The following LRBA variants were observed in gnomAD, a reference collection of about 807,000 sequenced individuals.
LRBA encodes the protein LPS responsive beige-like anchor protein, also known as lipopolysaccharide-responsive and beige-like anchor protein.
In LRBA, 176 loss-of-function variants were observed where a neutral mutation model predicts 330.0. The ratio of observed to expected loss-of-function variants is 0.53; its 90% CI spans 0.47 to 0.60. The LOEUF (loss-of-function observed/expected upper bound fraction) is 0.60, where lower values mean the gene tolerates loss of function less well. Ranked by LOEUF, LRBA falls within the 20% of genes least tolerant of loss-of-function variation. The pLI, the probability that LRBA is intolerant of heterozygous loss-of-function variation, is 0.00. For missense variants in LRBA, 3,259 were observed against 3,444.8 expected (o/e 0.95, Z 1.35); for synonymous variants, 1,230 against 1,193.0 (o/e 1.03, Z -0.64).
At chr4:150,346,885 G>A (rs1459424659) in intron 48 of LRBA, among the ~76,000 whole-genome samples, 1 of 149,542 alleles carries the variant, frequency 6.7e-6, no homozygotes, top group Non-Finnish European at 1.5e-5. Context: ...AGAATTGAAA[G>A]CAGGCATTTG....
chr4:150,291,581 T>C (rs1728301537), intron 53 of LRBA, among the ~76,000 whole-genome samples: 1 of 78,244 alleles, frequency 1.3e-5, no homozygotes, highest in African/African-American at 4.7e-5. Context: ...CAACAGGTGC[T>C]GGAGAGGATG....
intron 42 of LRBA, among the ~76,000 whole-genome samples, chr4:150,476,401 G>T (rs1756707114): frequency 6.6e-6 from 1 of 152,094 alleles, no homozygotes; most frequent in South Asian, 2.1e-4. Context: ...GCAGAGACAT[G>T]GCAGAATGTG....
At chr4:150,471,820 T>C in intron 42 of LRBA, 81 bp from the exon 43 acceptor site, 1 of 735,526 alleles carries the variant, frequency 1.4e-6, no homozygotes. Flanking sequence ...TATTCATTCA[T>C]AATATCTATA....
intron 56 of LRBA, among the ~76,000 whole-genome samples, chr4:150,266,143 G>A (rs1745298205): frequency 6.6e-6 from 1 of 152,014 alleles, no homozygotes; most frequent in Non-Finnish European, 1.5e-5. Flanking sequence ...GGGGGACTGG[G>A]CTGGCAAGAC....
chr4:150,707,690 A>G (rs551807667), intron 36 of LRBA, among the ~76,000 whole-genome samples: 31 of 151,854 alleles, frequency 2.0e-4, no homozygotes, highest in African/African-American at 7.2e-4. Flanking sequence ...AGGGGGTGAG[A>G]CAATAAAGAC....
chr4:150,871,093 A>C (rs903199146), intron 19 of LRBA, among the ~76,000 whole-genome samples: 2 of 152,022 alleles, frequency 1.3e-5, no homozygotes, highest in South Asian at 4.1e-4. Flanking sequence ...AAATACAAAA[A>C]TTAGCCGGGT....
chr4:150,878,434 CTAGAAAAACACAAACT>C, intron 17 of LRBA, among the ~76,000 whole-genome samples: 1 of 151,700 alleles, frequency 6.6e-6, no homozygotes, highest in Non-Finnish European at 1.5e-5. Context: ...CCTAGAGGAA[CTAGAAAAACACAAACT>C]ATTAACCCCA....
chr4:150,434,749 GC>G (rs1750880493), intron 46 of LRBA, among the ~76,000 whole-genome samples: 1 of 152,056 alleles, frequency 6.6e-6, no homozygotes, highest in Non-Finnish European at 1.5e-5. Flanking sequence ...TACTCAGGAG[GC>G]TGAGGCAGGA....
intron 48 of LRBA, among the ~76,000 whole-genome samples, chr4:150,326,925 G>A (rs1733354160): frequency 6.6e-6 from 1 of 152,116 alleles, no homozygotes; most frequent in African/African-American, 2.4e-5. Flanking sequence ...GTGAGGTAGG[G>A]ACTAGGATCA....
chr4:150,636,699 G>A (rs543529393), intron 37 of LRBA, among the ~76,000 whole-genome samples: 2 of 152,306 alleles, frequency 1.3e-5, no homozygotes, highest in East Asian at 3.9e-4. Context: ...CCCAGCTGGA[G>A]TGCAGTGACA....
At chr4:150,683,441 A>C (rs1263247461) in intron 37 of LRBA, 110 bp downstream of exon 37, 1 of 865,652 alleles carries the variant, frequency 1.2e-6, no homozygotes, top group Admixed American at 2.3e-5. Context: ...TGAAAGACAA[A>C]ATTAAATTAC....
chr4:150,801,630 A>G, intron 33 of LRBA, among the ~76,000 whole-genome samples: 1 of 152,326 alleles, frequency 6.6e-6, no homozygotes, highest in East Asian at 1.9e-4. Context: ...GTACATAATC[A>G]TCCCACAAGA....
chr4:150,791,337 C>G (rs989222082), intron 34 of LRBA, among the ~76,000 whole-genome samples: 1 of 152,200 alleles, frequency 6.6e-6, no homozygotes, highest in Admixed American at 6.5e-5. Flanking sequence ...CAAACAAGCA[C>G]ATGGCTACCA....
chr4:150,788,230 AC>A (rs1244989203), intron 34 of LRBA, among the ~76,000 whole-genome samples: 1 of 136,458 alleles, frequency 7.3e-6, no homozygotes, highest in African/African-American at 2.9e-5. Flanking sequence ...ACACTACCAC[AC>A]CCGGTTAATT....
chr4:150,576,927 G>C (rs1770616711), intron 40 of LRBA, among the ~76,000 whole-genome samples: 2 of 151,762 alleles, frequency 1.3e-5, no homozygotes, highest in Admixed American at 1.3e-4. Context: ...TAATCAAAGA[G>C]AGTAAAAAAA....
intron 42 of LRBA, among the ~76,000 whole-genome samples, chr4:150,474,161 G>A (rs183922642): frequency 2.9e-4 from 44 of 152,190 alleles, no homozygotes; most frequent in Admixed American, 8.5e-4. Flanking sequence ...TGACTGGTAT[G>A]TGGTAAGCAT....
At chr4:150,999,675 AC>A (rs1743107676) in intron 2 of LRBA, among the ~76,000 whole-genome samples, 1 of 151,976 alleles carries the variant, frequency 6.6e-6, no homozygotes, top group African/African-American at 2.4e-5. Context: ...ACTGGCATGA[AC>A]AACAAACCCC....
chr4:150,681,615 T>C (rs1252207641), intron 37 of LRBA, among the ~76,000 whole-genome samples: 3 of 152,190 alleles, frequency 2.0e-5, no homozygotes, highest in African/African-American at 7.2e-5. Flanking sequence ...AGATGAGATT[T>C]ATAGAGAGGA....
chr4:150,834,482 G>A (rs1465071253), intron 28 of LRBA, among the ~76,000 whole-genome samples: 1 of 152,156 alleles, frequency 6.6e-6, no homozygotes, highest in Non-Finnish European at 1.5e-5. Context: ...GGGTGACCAG[G>A]TTGATTATCA....
Sources: gnomAD v4.1 joint callset for allele counts (sites outside exome capture counted in the v4.1 genomes callset) on GRCh38, gnomAD v4.1.1 for gene constraint, MANE v1.5 for transcripts, NCBI Gene and HGNC (gene_info 2026-07-23, HGNC 2026-07-21) for gene names.